The following TSPAN11 variants were observed in gnomAD, a reference collection of about 807,000 sequenced individuals.
The protein encoded by TSPAN11 is tetraspanin 11, also known as tetraspanin-11.
In TSPAN11, 29 loss-of-function variants were observed where a neutral mutation model predicts 32.9. The observed-to-expected ratio is 0.88, with a 90% CI of 0.66 to 1.20. TSPAN11 has a LOEUF of 1.20. Among genes scored for constraint, TSPAN11 ranks in the 50% most tolerant of loss-of-function variants. TSPAN11 has a pLI of 0.00. For missense variants in TSPAN11, 283 were observed against 329.1 expected (o/e 0.86, Z 1.08); for synonymous variants, 140 against 141.3 (o/e 0.99, Z 0.07).
At chr12:30,950,427 G>A (rs911083426) in intron 1 of TSPAN11, among the ~76,000 whole-genome samples, 1 of 152,128 alleles carries the variant, frequency 6.6e-6, no homozygotes, top group African/African-American at 2.4e-5. Flanking sequence ...TAAATTAGCG[G>A]GGGCAGTTGT....
intron 1 of TSPAN11, among the ~76,000 whole-genome samples, chr12:30,938,278 A>G (rs1402408178): frequency 6.6e-6 from 1 of 152,186 alleles, no homozygotes; most frequent in Non-Finnish European, 1.5e-5. Context: ...TGGATGAACC[A>G]GCCCCCCAAA....
At chr12:31,010,666 C>T in the TSPAN11 span, among the ~76,000 whole-genome samples, 2 of 152,046 alleles carry the variant, frequency 1.3e-5, no homozygotes, top group Non-Finnish European at 2.9e-5. Context: ...TGTGGTGACA[C>T]GTGCCTGCAG....
chr12:30,937,833 C>G (rs894835131), intron 1 of TSPAN11, among the ~76,000 whole-genome samples: 1 of 152,202 alleles, frequency 6.6e-6, no homozygotes, highest in African/African-American at 2.4e-5. Context: ...CTAATGTACC[C>G]TTGATTTTGA....
intron 2 of TSPAN11, among the ~76,000 whole-genome samples, chr12:30,959,404 G>C (rs748570437): frequency 2.6e-5 from 4 of 152,098 alleles, no homozygotes; most frequent in Non-Finnish European, 5.9e-5. Context: ...AAGGTGGGCA[G>C]GAAAAAGAGA....
intron 1 of TSPAN11, among the ~76,000 whole-genome samples, chr12:30,937,021 A>C (rs1938058752): frequency 6.6e-6 from 1 of 152,240 alleles, no homozygotes; most frequent in African/African-American, 2.4e-5. Flanking sequence ...AACTTGGAGA[A>C]GAATACAATG....
intron 3 of TSPAN11, among the ~76,000 whole-genome samples, chr12:30,966,191 A>G (rs945120661): frequency 1.3e-5 from 2 of 152,020 alleles, no homozygotes; most frequent in Non-Finnish European, 2.9e-5. Context: ...GCAGGCAGGG[A>G]ACAGAGAGTG....
intron 7 of TSPAN11, among the ~76,000 whole-genome samples, chr12:30,987,797 A>G (rs995701663): frequency 1.3e-5 from 2 of 152,226 alleles, no homozygotes; most frequent in African/African-American, 4.8e-5. Flanking sequence ...GATGGGGAGC[A>G]GATGCAGCAC....
rs539450093 is a variant in TSPAN11 at position 30,982,886 on chromosome 12, T to C, written c.616-178T>C. On this transcript the variant is annotated intron_variant, in intron 6 of 7. Transcript: ENST00000546076. ...GACAAGCAGCTCATACCGGAGAGTA[T>C]AGGACACCATGGCATGCCCCTGGGG... Among the ~76,000 whole-genome samples the C allele has an allele frequency of 2.7e-3, 418 of 152,280 alleles. 5 individuals carry two copies. The highest frequency in any genetic ancestry group is 9.8e-3 in the African/African-American group (406 of 41,564).
chr12:30,967,026 C>G (rs1033003041), intron 3 of TSPAN11, among the ~76,000 whole-genome samples: 16 of 152,146 alleles, frequency 1.1e-4, no homozygotes, highest in Non-Finnish European at 2.1e-4. Context: ...GTGGGAGACA[C>G]TCAGAATTAT....
intron 1 of TSPAN11, among the ~76,000 whole-genome samples, chr12:30,930,695 G>T (rs1937902291): frequency 6.6e-6 from 1 of 152,234 alleles, no homozygotes; most frequent in Non-Finnish European, 1.5e-5. Flanking sequence ...TTTGAAAAAG[G>T]TCTTATGGCA....
rs184502279 is a variant in TSPAN11, at chr12:30,960,655, C to T, written c.85-3171C>T. On this transcript the variant is annotated intron_variant, in intron 2 of 7. Coordinates refer to ENST00000546076, the MANE Select transcript of TSPAN11 (RefSeq NM_001370302.1). ...ATTACACAACAGGGGTGACCTGCTC[C>T]GCCCCTCCTGGCCAGCTTGCATCCT... 1.1e-3 allele frequency among the ~76,000 whole-genome samples: 174 copies of T among 152,090 alleles called. 1 individual carries two copies. Among genetic ancestry groups the T allele is most frequent in the Non-Finnish European group, 2.5e-4 (17 of 68,034 alleles).
intron 2 of TSPAN11, among the ~76,000 whole-genome samples, chr12:30,962,769 G>A (rs2140292051): frequency 6.6e-6 from 1 of 152,230 alleles, no homozygotes; most frequent in South Asian, 2.1e-4. Context: ...CTTAAATGGG[G>A]GCAGGGAGAC....
intron 3 of TSPAN11, among the ~76,000 whole-genome samples, chr12:30,967,706 GCATA>G: frequency 2.4e-5 from 1 of 41,940 alleles, no homozygotes; most frequent in African/African-American, 8.1e-5. Flanking sequence ...GCACACACAT[GCATA>G]TGCACGCACA....
the TSPAN11 span, among the ~76,000 whole-genome samples, chr12:31,013,146 C>T: frequency 6.6e-6 from 1 of 152,210 alleles, no homozygotes; most frequent in African/African-American, 2.4e-5. Context: ...CACTACACTA[C>T]AGCCAGGGAA....
chr12:30,970,808 G>T (rs180844544), intron 3 of TSPAN11, among the ~76,000 whole-genome samples: 1 of 152,296 alleles, frequency 6.6e-6, no homozygotes, highest in East Asian at 1.9e-4. Context: ...TTGGTTACAG[G>T]AATGGCTGAA....
At chr12:30,965,983 C>G (rs1428871473) in intron 3 of TSPAN11, among the ~76,000 whole-genome samples, 1 of 151,522 alleles carries the variant, frequency 6.6e-6, no homozygotes, top group Non-Finnish European at 1.5e-5. Context: ...AACACAAATC[C>G]GTAAACTTTC....
chr12:30,963,798 C>T (rs755063442), intron 2 of TSPAN11, 28 bp from the exon 3 acceptor site: 41 of 1,597,040 alleles, frequency 2.6e-5, no homozygotes, highest in Non-Finnish European at 3.4e-5. Context: ...CCCGCCACCC[C>T]CTGCTCTAAC....
chr12:30,937,126 T>C (rs935092430), intron 1 of TSPAN11, among the ~76,000 whole-genome samples: 3 of 152,060 alleles, frequency 2.0e-5, no homozygotes, highest in African/African-American at 7.2e-5. Context: ...CAGGAGGAGA[T>C]AGGAAAAGCC....
At chr12:30,927,231 T>C (rs1937818489) in intron 1 of TSPAN11, among the ~76,000 whole-genome samples, 1 of 152,238 alleles carries the variant, frequency 6.6e-6, no homozygotes. Context: ...CTGGTGCACA[T>C]TGCTTTCAGA....
Sources: allele counts gnomAD v4.1 joint callset (sites outside exome capture counted in the v4.1 genomes callset), GRCh38; gene constraint gnomAD v4.1.1; transcripts MANE v1.5; gene names NCBI Gene and HGNC (gene_info 2026-07-23, HGNC 2026-07-21).